TEKTL1: variants seen among roughly 807,000 people sequenced by gnomAD.
TEKTL1 encodes tektin like 1.
At chr19:15,021,357 C>T in the TEKTL1 span, 2 of 1,613,916 alleles carry the variant, frequency 1.2e-6, no homozygotes, top group South Asian at 1.1e-5. Context: ...TTGCAGCGTG[C>T]GCCTTGGCGC....
the TEKTL1 span, among the ~76,000 whole-genome samples, chr19:15,015,196 G>T: frequency 6.6e-6 from 1 of 152,014 alleles, no homozygotes. Flanking sequence ...CTGTGAGAGT[G>T]AGAGAGAGAG....
chr19:15,011,300 G>C, the TEKTL1 span: 6 of 1,524,454 alleles, frequency 3.9e-6, no homozygotes, highest in Non-Finnish European at 5.3e-6. Context: ...GCGCCAGCGC[G>C]AGGTCACCGA....
the TEKTL1 span, among the ~76,000 whole-genome samples, chr19:15,015,349 A>G: frequency 6.6e-6 from 1 of 152,184 alleles, no homozygotes; most frequent in Admixed American, 6.5e-5. Flanking sequence ...TTGGCACTCA[A>G]ACCTTTCCCA....
the TEKTL1 span, among the ~76,000 whole-genome samples, chr19:15,018,973 G>A: frequency 6.6e-6 from 1 of 151,902 alleles, no homozygotes; most frequent in Non-Finnish European, 1.5e-5. Flanking sequence ...TTTTGAGACA[G>A]GATCTCACTC....
chr19:15,012,408 TA>T, the TEKTL1 span, among the ~76,000 whole-genome samples: 2 of 151,280 alleles, frequency 1.3e-5, no homozygotes, highest in Non-Finnish European at 2.9e-5. Flanking sequence ...CACCAAAGTT[TA>T]AAAAAAATAG....
the TEKTL1 span, chr19:15,021,875 A>G: frequency 6.2e-7 from 1 of 1,614,020 alleles, no homozygotes; most frequent in Non-Finnish European, 8.5e-7. Flanking sequence ...CATGTACCAG[A>G]GACACGTGGG....
the TEKTL1 span, among the ~76,000 whole-genome samples, chr19:15,013,062 C>T: frequency 9.2e-5 from 14 of 152,202 alleles, no homozygotes; most frequent in Admixed American, 5.9e-4. Context: ...AACCCTCACA[C>T]CCAAAGGTTA....
chr19:15,016,542 T>C, the TEKTL1 span, among the ~76,000 whole-genome samples: 1 of 152,178 alleles, frequency 6.6e-6, no homozygotes, highest in African/African-American at 2.4e-5. Context: ...TCGCCTGGCA[T>C]CAGTAGGGGT....
At chr19:15,014,899 C>T in the TEKTL1 span, among the ~76,000 whole-genome samples, 1 of 152,178 alleles carries the variant, frequency 6.6e-6, no homozygotes, top group East Asian at 1.9e-4. Flanking sequence ...GAGCAAAGGG[C>T]TATAAAGAGG....
the TEKTL1 span, chr19:15,021,617 A>G: frequency 6.2e-7 from 1 of 1,613,962 alleles, no homozygotes; most frequent in South Asian, 1.1e-5. Context: ...TGCCCCCAGG[A>G]AAGATTAAAT....
the TEKTL1 span, among the ~76,000 whole-genome samples, chr19:15,017,808 C>CAAAG: frequency 6.6e-6 from 1 of 152,160 alleles, no homozygotes; most frequent in East Asian, 1.9e-4. Context: ...ACCCCACCCC[C>CAAAG]AAAGAGTCAC....
At chr19:15,020,751 T>G in the TEKTL1 span, 2 of 1,085,298 alleles carry the variant, frequency 1.8e-6, no homozygotes, top group East Asian at 5.2e-5. Flanking sequence ...GTCCCTTTCC[T>G]GGGAAATAGC....
chr19:15,022,161 C>T, the TEKTL1 span, among the ~76,000 whole-genome samples: 1 of 152,148 alleles, frequency 6.6e-6, no homozygotes, highest in Admixed American at 6.5e-5. Flanking sequence ...CACACACACC[C>T]TCACTGTCCA....
At chr19:15,017,872 G>A in the TEKTL1 span, among the ~76,000 whole-genome samples, 1 of 152,106 alleles carries the variant, frequency 6.6e-6, no homozygotes. Flanking sequence ...TTCAACTTAG[G>A]AATTGCTTCT....
At chr19:15,017,147 AG>A in the TEKTL1 span, among the ~76,000 whole-genome samples, 5 of 152,204 alleles carry the variant, frequency 3.3e-5, no homozygotes, top group Non-Finnish European at 7.3e-5. Flanking sequence ...TCTTGAGCCC[AG>A]GAGTTTGAGG....
At chr19:15,023,030 C>T in the TEKTL1 span, 3 of 1,612,586 alleles carry the variant, frequency 1.9e-6, no homozygotes, top group Middle Eastern at 1.6e-4. Flanking sequence ...GCGGCAACCG[C>T]ACGTGTGCTA....
At chr19:15,020,610 A>G in the TEKTL1 span, 2 of 1,614,012 alleles carry the variant, frequency 1.2e-6, no homozygotes, top group East Asian at 4.5e-5. Context: ...CTCCACGCAC[A>G]CAGGGTCAGA....
chr19:15,010,924 C>T, the TEKTL1 span: 2 of 1,580,128 alleles, frequency 1.3e-6, no homozygotes, highest in Non-Finnish European at 1.7e-6. Context: ...GGACCGCGCA[C>T]ATTCTGACCG....
the TEKTL1 span, among the ~76,000 whole-genome samples, chr19:15,018,715 A>AAAATATATATATATATATATATATAT: frequency 1.5e-5 from 1 of 68,298 alleles, no homozygotes; most frequent in African/African-American, 4.2e-5. Context: ...CCTATCTCAA[A>AAAATATATATATATATATATATATAT]ATATGTATAT....
Sources: allele counts gnomAD v4.1 joint callset (sites outside exome capture counted in the v4.1 genomes callset), GRCh38; gene constraint gnomAD v4.1.1; transcripts MANE v1.5; gene names NCBI Gene and HGNC (gene_info 2026-07-23, HGNC 2026-07-21).